NFIB: variants seen among roughly 807,000 people sequenced by gnomAD.
The protein encoded by NFIB is nuclear factor 1 B-type.
NFIB carries 11 observed loss-of-function variants against 61.5 expected under a neutral mutation model. The observed-to-expected ratio is 0.18, with a 90% CI of 0.11 to 0.30. NFIB has a LOEUF of 0.30. NFIB is among the 10% of genes least tolerant of loss of function. NFIB has a pLI of 1.00. For missense variants in NFIB, 471 were observed against 608.9 expected, an observed-to-expected ratio of 0.77 and a Z score of 2.38; for synonymous variants, 260 against 216.5, an observed-to-expected ratio of 1.20 and a Z score of -1.76.
intron 2 of NFIB, among the ~76,000 whole-genome samples, chr9:14,228,356 G>A (rs977425900): frequency 3.9e-5 from 6 of 151,930 alleles, no homozygotes; most frequent in Middle Eastern, 3.4e-3. Flanking sequence ...CACCACGCCT[G>A]GCTAATTTTT....
the NFIB span, among the ~76,000 whole-genome samples, chr9:14,502,362 A>G: frequency 6.6e-6 from 1 of 152,316 alleles, no homozygotes; most frequent in African/African-American, 2.4e-5. Context: ...CAGATAAGGG[A>G]TTGAGGTGAG....
Position 14,394,883 on chromosome 9 carries a change from G to A in NFIB, c.108+3641C>T, listed in dbSNP as rs147909580. Among the ~76,000 whole-genome samples the A allele has an allele frequency of 1.6e-3, 246 of 152,212 alleles. 3 individuals are homozygous for A. The highest frequency in any genetic ancestry group is 5.3e-3 in the African/African-American group (222 of 41,528). On this transcript the variant is annotated intron_variant, in intron 1 of 8. Transcript: ENST00000380934. ...TAAAAGTTCCTGACACGGGAGATGTGTGTAAACTCTAAAGGGCTGTAAGAA... is the reference window on the plus strand; with the variant it reads ...TAAAAGTTCCTGACACGGGAGATGTATGTAAACTCTAAAGGGCTGTAAGAA...
intron 2 of NFIB, among the ~76,000 whole-genome samples, chr9:14,225,883 T>G (rs534109121): frequency 9.2e-5 from 14 of 152,364 alleles, no homozygotes; most frequent in Middle Eastern, 3.4e-3. Context: ...TTTGTCATTC[T>G]GATGAAATAC....
chr9:14,136,419 C>T (rs2041052054), intron 6 of NFIB, among the ~76,000 whole-genome samples: 1 of 152,140 alleles, frequency 6.6e-6, no homozygotes, highest in Non-Finnish European at 1.5e-5. Flanking sequence ...TAATGTTAAG[C>T]ATCTGAGAGC....
intron 1 of NFIB, among the ~76,000 whole-genome samples, chr9:14,339,161 C>T (rs1328328163): frequency 3.9e-5 from 6 of 152,094 alleles, no homozygotes; most frequent in Admixed American, 6.5e-5. Context: ...ATGTAAAAAG[C>T]CTAGAAGAAC....
chr9:14,257,995 T>A (rs2056391227), intron 2 of NFIB, among the ~76,000 whole-genome samples: 1 of 152,216 alleles, frequency 6.6e-6, no homozygotes, highest in Non-Finnish European at 1.5e-5. Flanking sequence ...CTAAACTGTC[T>A]GAGCAGTGTG....
At chr9:14,359,188 C>A (rs1588365136) in intron 1 of NFIB, among the ~76,000 whole-genome samples, 1 of 152,190 alleles carries the variant, frequency 6.6e-6, no homozygotes, top group African/African-American at 2.4e-5. Flanking sequence ...TGAATGGTGG[C>A]CCCTAAAAAG....
the NFIB span, among the ~76,000 whole-genome samples, chr9:14,408,243 T>A: frequency 6.6e-6 from 1 of 152,198 alleles, no homozygotes; most frequent in East Asian, 1.9e-4. Flanking sequence ...ATTAAGAGTC[T>A]AAGTTTAGCT....
chr9:14,217,589 A>G (rs1201324121), intron 2 of NFIB, among the ~76,000 whole-genome samples: 1 of 142,114 alleles, frequency 7.0e-6, no homozygotes, highest in East Asian at 2.2e-4. Context: ...GAACCCAGGA[A>G]GTGGAGGTTG....
At chr9:14,220,126 C>T (rs1241454798) in intron 2 of NFIB, among the ~76,000 whole-genome samples, 1 of 152,226 alleles carries the variant, frequency 6.6e-6, no homozygotes, top group African/African-American at 2.4e-5. Context: ...GCTCGTCCAC[C>T]TCCTTTCCAA....
the NFIB span, among the ~76,000 whole-genome samples, chr9:14,499,663 G>T: frequency 6.6e-6 from 1 of 152,176 alleles, no homozygotes; most frequent in Non-Finnish European, 1.5e-5. Context: ...GAATTGACGG[G>T]CCCAAGCTCA....
chr9:14,290,631 A>G (rs1333594168), intron 2 of NFIB, among the ~76,000 whole-genome samples: 5 of 152,118 alleles, frequency 3.3e-5, no homozygotes, highest in African/African-American at 4.8e-5. Context: ...TGTAATTCAC[A>G]TGGTTTTATT....
intron 1 of NFIB, among the ~76,000 whole-genome samples, chr9:14,331,775 AATC>A (rs2060823634): frequency 1.3e-5 from 2 of 152,336 alleles, no homozygotes; most frequent in South Asian, 4.1e-4. Context: ...TACCTTCGAA[AATC>A]ATGCCTGCTT....
chr9:14,419,773 C>T, the NFIB span, among the ~76,000 whole-genome samples: 5 of 152,268 alleles, frequency 3.3e-5, no homozygotes, highest in South Asian at 1.0e-3. Context: ...CACTTCCCAT[C>T]GGTATGTCTG....
chr9:14,278,905 AC>A (rs2058185006), intron 2 of NFIB, among the ~76,000 whole-genome samples: 1 of 152,210 alleles, frequency 6.6e-6, no homozygotes, highest in Admixed American at 6.5e-5. Flanking sequence ...ACTTTAGGAA[AC>A]TTTCACTCAA....
chr9:14,191,988 T>C (rs541805107), intron 2 of NFIB, among the ~76,000 whole-genome samples: 3 of 152,320 alleles, frequency 2.0e-5, no homozygotes, highest in African/African-American at 7.2e-5. Context: ...AAGTTCTAGA[T>C]AGTGCTTGGT....
chr9:14,384,239 C>A (rs575172150), intron 1 of NFIB, among the ~76,000 whole-genome samples: 1 of 152,266 alleles, frequency 6.6e-6, no homozygotes, highest in Admixed American at 6.5e-5. Context: ...TACAAGAGAG[C>A]CTTCCCCACC....
At chr9:14,492,712 G>A in the NFIB span, among the ~76,000 whole-genome samples, 6 of 152,208 alleles carry the variant, frequency 3.9e-5, no homozygotes, top group African/African-American at 1.4e-4. Flanking sequence ...CCTCCCACCA[G>A]GCCCCCCACC....
rs1177105367 is a variant in NFIB, at chr9:14,083,689, C to G, written c.*4620G>C. ...CTGAATATGGGATAACTTTCTGCAG[C>G]CTTCATCATTTCACACAGTACATAG... On this transcript the variant is annotated 3_prime_UTR_variant, in exon 11 of 11. Coordinates refer to ENST00000380953, the MANE Select transcript of NFIB (RefSeq NM_001190737.2). The G allele has an allele frequency of 4.5e-6, 1 of 223,844 alleles. No individual in the cohort carries two copies. The highest frequency in any genetic ancestry group is 8.9e-6 in the Non-Finnish European group (1 of 111,984). 13.9% of individuals were successfully genotyped at this position (223,844 alleles called of 1,614,324 possible). A position where few individuals can be genotyped will look rare whatever the true frequency, so the allele number is the denominator to read the frequency against.
Sources: gnomAD v4.1 joint callset for allele counts (sites outside exome capture counted in the v4.1 genomes callset) on GRCh38, gnomAD v4.1.1 for gene constraint, MANE v1.5 for transcripts, NCBI Gene and HGNC (gene_info 2026-07-23, HGNC 2026-07-21) for gene names.